SMCHD1: variants seen among roughly 807,000 people sequenced by gnomAD.
SMCHD1 encodes the protein structural maintenance of chromosomes flexible hinge domain-containing protein 1.
Under a neutral mutation model 254.7 loss-of-function variants are expected in SMCHD1, and 78 were observed. The ratio of observed to expected loss-of-function variants is 0.31; its 90% CI spans 0.26 to 0.37. The LOEUF (loss-of-function observed/expected upper bound fraction) is 0.37, where lower values mean the gene tolerates loss of function less well. Ranked by LOEUF, SMCHD1 falls within the 10% of genes least tolerant of loss-of-function variation. The probability of loss-of-function intolerance (pLI) is 1.00; values close to 1 mark genes in which losing one functional copy is unlikely to be tolerated. For synonymous variants in SMCHD1, 766 were observed against 794.9 expected (o/e 0.96, Z 0.61); for missense variants, 1,840 against 2,408.1 (o/e 0.76, Z 4.94).
At chr18:2,755,346 A>G (rs72864697) in intron 34 of SMCHD1, among the ~76,000 whole-genome samples, 29,444 of 151,566 alleles carry the variant, frequency 0.19, 3,104 homozygotes, top group South Asian at 0.27. Flanking sequence ...TTGATTTTTT[A>G]ATTTTTGTGG....
At chr18:2,761,641 A>AC (rs2075786465) in intron 35 of SMCHD1, among the ~76,000 whole-genome samples, 2 of 151,986 alleles carry the variant, frequency 1.3e-5, no homozygotes, top group African/African-American at 2.4e-5. Context: ...ATATGGTGAA[A>AC]CCCCTCCTCT....
At chr18:2,746,971 T>TA (rs2075465914) in intron 29 of SMCHD1, among the ~76,000 whole-genome samples, 1 of 141,912 alleles carries the variant, frequency 7.0e-6, no homozygotes, top group Admixed American at 7.0e-5. Flanking sequence ...CATCAGTGAA[T>TA]AGTCCTATTT....
At chr18:2,700,975 AAG>A in intron 12 of SMCHD1, 57 bp downstream of exon 12, 1 of 1,284,710 alleles carries the variant, frequency 7.8e-7, no homozygotes, top group Non-Finnish European at 1.1e-6. Context: ...TTTTAAGTAA[AAG>A]AAGACACTAG....
At chr18:2,735,348 A>G (rs1283181280) in intron 25 of SMCHD1, among the ~76,000 whole-genome samples, 2 of 152,112 alleles carry the variant, frequency 1.3e-5, no homozygotes, top group African/African-American at 4.8e-5. Context: ...ACAGGCAAAA[A>G]CCGGAACCAT....
rs2075161459 is a variant in SMCHD1 at position 2,732,489 on chromosome 18, TAAAG to T, written c.3274_3276+1del. 3 of 1,568,220 alleles carry T rather than the reference TAAAG, an allele frequency of 1.9e-6. No individual in the cohort carries two copies. The highest frequency in any genetic ancestry group is 2.6e-6 in the Non-Finnish European group (3 of 1,146,260). On this transcript the variant is annotated splice_donor_variant and coding_sequence_variant, in exon 25 of 48. Transcript: ENST00000320876. LOFTEE classifies it high-confidence loss of function. Reference sequence around the variant, plus strand: ...TAACATCAGCTTTAGCAGAAAAAATTAAAGTAAGTATCTCTAACAGATTGGTTAT... The same window carrying T: ...TAACATCAGCTTTAGCAGAAAAAATTTAAGTATCTCTAACAGATTGGTTAT...
chr18:2,704,453 G>A (rs760853005), intron 13 of SMCHD1, among the ~76,000 whole-genome samples: 4 of 152,108 alleles, frequency 2.6e-5, no homozygotes, highest in Non-Finnish European at 5.9e-5. Flanking sequence ...GGAGAATTCA[G>A]AGATATAGGA....
At chr18:2,666,604 T>A (rs1389067540) in intron 2 of SMCHD1, among the ~76,000 whole-genome samples, 1 of 152,184 alleles carries the variant, frequency 6.6e-6, no homozygotes, top group Non-Finnish European at 1.5e-5. Context: ...CCATTCATGT[T>A]GACACTACGC....
chr18:2,738,735 CCTT>C (rs2075296651), intron 26 of SMCHD1, among the ~76,000 whole-genome samples, 190 bp downstream of exon 26: 1 of 152,136 alleles, frequency 6.6e-6, no homozygotes, highest in South Asian at 2.1e-4. Flanking sequence ...ACTGAATTGG[CCTT>C]CTAGTAGCTG....
chr18:2,707,763 A>T, intron 16 of SMCHD1, 44 bp from the exon 17 acceptor site: 1 of 1,544,706 alleles, frequency 6.5e-7, no homozygotes, highest in Non-Finnish European at 8.8e-7. Flanking sequence ...AGATTCAGCA[A>T]ATTTTTGGGT....
At chr18:2,775,630 GT>G in intron 41 of SMCHD1, 103 bp from the exon 42 acceptor site, 2 of 781,812 alleles carry the variant, frequency 2.6e-6, no homozygotes, top group Non-Finnish European at 3.8e-6. Flanking sequence ...TTTAATTCAT[GT>G]GTTTCAGAGA....
intron 12 of SMCHD1, among the ~76,000 whole-genome samples, chr18:2,701,889 TAGTC>T (rs527993680): frequency 3.4e-3 from 511 of 152,284 alleles, no homozygotes; most frequent in Non-Finnish European, 4.4e-3. Flanking sequence ...ATAGTATTTG[TAGTC>T]AGTCAGTCCT....
Position 2,700,995 on chromosome 18 carries a change from G to A in SMCHD1, c.1647+77G>A. On this transcript the variant is annotated intron_variant, in intron 12 of 47. Coordinates refer to ENST00000320876, the MANE Select transcript of SMCHD1 (RefSeq NM_015295.3). Reference sequence around the variant, plus strand: ...AGTAAAAGAAGACACTAGCAGTGTAGGTTTTTATTGATATTTTGCATCAAA... The same window carrying A: ...AGTAAAAGAAGACACTAGCAGTGTAAGTTTTTATTGATATTTTGCATCAAA... The A allele has an allele frequency of 2.8e-6, 3 of 1,077,924 alleles. No homozygotes were observed. In the South Asian group the frequency reaches 5.8e-5, roughly 21 times the overall value. 66.8% of individuals were successfully genotyped at this position (1,077,924 alleles called of 1,614,324 possible). A position where few individuals can be genotyped will look rare whatever the true frequency, so the allele number is the denominator to read the frequency against.
intron 34 of SMCHD1, chr18:2,753,173 G>A (rs564383386): frequency 1.1e-4 from 16 of 152,260 alleles, no homozygotes; most frequent in African/African-American, 3.9e-4. Context: ...TTAGAGTTCC[G>A]TTTATCTTAG....
intron 5 of SMCHD1, among the ~76,000 whole-genome samples, chr18:2,682,746 A>G (rs1488940510): frequency 6.6e-6 from 1 of 152,152 alleles, no homozygotes; most frequent in Non-Finnish European, 1.5e-5. Flanking sequence ...ATATTTTTGG[A>G]CTTTGATGTA....
At chr18:2,704,121 A>G (rs1170480574) in intron 13 of SMCHD1, among the ~76,000 whole-genome samples, 1 of 152,140 alleles carries the variant, frequency 6.6e-6, no homozygotes, top group East Asian at 1.9e-4. Context: ...GTAGAAGTTG[A>G]GACTAAATTA....
At chr18:2,748,284 G>A (rs2075496028) in intron 30 of SMCHD1, among the ~76,000 whole-genome samples, 1 of 150,800 alleles carries the variant, frequency 6.6e-6, no homozygotes, top group South Asian at 2.1e-4. Context: ...AGTGGCTGGT[G>A]CAAAGTTGGA....
intron 37 of SMCHD1, among the ~76,000 whole-genome samples, chr18:2,767,632 C>T (rs930592244): frequency 6.9e-6 from 1 of 144,434 alleles, no homozygotes; most frequent in Admixed American, 7.1e-5. Context: ...CTCTGTCACC[C>T]AGGCTGGAGT....
intron 28 of SMCHD1, among the ~76,000 whole-genome samples, chr18:2,742,303 A>G (rs894519176): frequency 1.1e-4 from 16 of 152,218 alleles, no homozygotes; most frequent in African/African-American, 3.1e-4. Flanking sequence ...CATTTTCGGA[A>G]TTGTGTATTT....
At chr18:2,713,473 G>T (rs1327568902) in intron 17 of SMCHD1, among the ~76,000 whole-genome samples, 1 of 152,012 alleles carries the variant, frequency 6.6e-6, no homozygotes, top group Non-Finnish European at 1.5e-5. Context: ...CTTTCTTTAA[G>T]ATACATCATA....
Sources: gnomAD v4.1 joint callset for allele counts (sites outside exome capture counted in the v4.1 genomes callset) on GRCh38, gnomAD v4.1.1 for gene constraint, MANE v1.5 for transcripts, NCBI Gene and HGNC (gene_info 2026-07-23, HGNC 2026-07-21) for gene names.